The following NEB variants were observed in gnomAD, a reference collection of about 807,000 sequenced individuals.
The protein encoded by NEB is nebulin.
Under a neutral mutation model 952.2 loss-of-function variants are expected in NEB, and 512 were observed. The observed-to-expected ratio is 0.54, with a 90% CI of 0.50 to 0.58. The LOEUF (loss-of-function observed/expected upper bound fraction) is 0.58. Among genes scored for constraint, NEB ranks in the 20% least tolerant of loss-of-function variants. The pLI is 0.00. For synonymous variants in NEB, 2,900 were observed against 3,149.8 expected (o/e 0.92, Z 2.66); for missense variants, 8,428 against 9,231.1 (o/e 0.91, Z 3.56).
chr2:151,702,488 T>C (rs1218577019), intron 13 of NEB, among the ~76,000 whole-genome samples: 2 of 152,100 alleles, frequency 1.3e-5, no homozygotes, highest in Non-Finnish European at 2.9e-5. Flanking sequence ...CCATTATTAA[T>C]GTGTGGGAGT....
intron 138 of NEB, among the ~76,000 whole-genome samples, chr2:151,539,550 G>A (rs2093728943): frequency 6.6e-6 from 1 of 152,158 alleles, no homozygotes; most frequent in African/African-American, 2.4e-5. Context: ...TTTTGGCTCA[G>A]TTTAAGTCCC....
At chr2:151,626,347 T>C (rs1172999006) in intron 70 of NEB, among the ~76,000 whole-genome samples, 2 of 152,140 alleles carry the variant, frequency 1.3e-5, no homozygotes, top group African/African-American at 4.8e-5. Context: ...ACTGCTGAGC[T>C]CAAGTGATCT....
intron 63 of NEB, among the ~76,000 whole-genome samples, chr2:151,637,382 G>A (rs1367072010): frequency 2.0e-5 from 3 of 152,174 alleles, no homozygotes; most frequent in African/African-American, 7.2e-5. Flanking sequence ...AGTGGGTGAG[G>A]CCCCAGGGAG....
chr2:151,679,909 C>T lies in NEB; in HGVS notation c.3147+9G>A, dbSNP rs751551042. 6 of 1,610,222 alleles carry T rather than the reference C, an allele frequency of 3.7e-6. No individual in the cohort carries two copies. Among genetic ancestry groups the T allele is most frequent in the Non-Finnish European group, 5.1e-6 (6 of 1,176,402 alleles). On this transcript the variant is annotated intron_variant, in intron 31 of 181. Transcript: ENST00000397345. ...ACATACGCATCAGCCCGTGAGTCCA[C>T]CCACGCACCTCACTGATATTGTAGG...
chr2:151,542,835 G>T (rs1030791948), intron 135 of NEB, among the ~76,000 whole-genome samples: 1 of 152,122 alleles, frequency 6.6e-6, no homozygotes, highest in Non-Finnish European at 1.5e-5. Context: ...TTTTCATAAA[G>T]TCCAAGGTCA....
rs1361006906 is a variant in NEB, at chr2:151,605,037, G to A, written c.12748-166C>T. ...TCACTTTAAAGAAATTAGATAATAC[G>A]ATTTTAGGTCATTTCAGAGAGGACA... On this transcript the variant is annotated intron_variant, in intron 84 of 181. Transcript: ENST00000397345. Among the ~76,000 whole-genome samples, 23 of 133,150 alleles carry A rather than the reference G, an allele frequency of 1.7e-4. 3 individuals carry two copies. Among genetic ancestry groups the A allele is most frequent in the South Asian group, 1.6e-3 (7 of 4,262 alleles). The allele number at this position is 133,150 out of a possible 152,430, so 87.4% of individuals were successfully genotyped here. A position where few individuals can be genotyped will look rare whatever the true frequency, so the allele number is the denominator to read the frequency against.
chr2:151,636,240 T>A lies in NEB; in HGVS notation c.9089A>T (p.Asp3030Val). 1 of 1,608,982 alleles carries A rather than the reference T, an allele frequency of 6.2e-7. No individual in the cohort carries two copies. Among genetic ancestry groups the A allele is most frequent in the Non-Finnish European group, 8.5e-7 (1 of 1,179,334 alleles). ...IPIVAAKASR[D>V]IISDYKYKDG... ...TTGACAACTCACGTCACTGATGATG[T>A]CCCTGGAGGCCTTGGCCGCCACGAT... The change falls in exon 64 of 182, where the codon GAC becomes GTC. Residue 3030 changes from aspartate to valine, a missense_variant. Transcript: ENST00000397345.
At chr2:151,545,403 C>T (rs1332341443) in intron 135 of NEB, among the ~76,000 whole-genome samples, 1 of 151,742 alleles carries the variant, frequency 6.6e-6, no homozygotes, top group Admixed American at 6.6e-5. Context: ...TGGAGAAACC[C>T]CATCACTACT....
chr2:151,563,123 T>C (rs1430703269), intron 119 of NEB, among the ~76,000 whole-genome samples: 1 of 149,800 alleles, frequency 6.7e-6, no homozygotes, highest in Non-Finnish European at 1.5e-5. Context: ...CAAATAATTC[T>C]CATGCCTCAG....
chr2:151,562,117 T>G lies in NEB; in HGVS notation c.18989A>C (p.Gln6330Pro). 2 of 1,613,288 alleles carry G rather than the reference T, an allele frequency of 1.2e-6. No individual in the cohort carries two copies. The highest frequency in any genetic ancestry group is 1.7e-6 in the Non-Finnish European group (2 of 1,179,352). The change falls in exon 121 of 182, where the codon CAG becomes CCG. Residue 6330 changes from glutamine (Q) to proline (P), a missense_variant. By Grantham distance (76) the Gln-to-Pro change is moderately conservative (BLOSUM62 -1). Coordinates refer to ENST00000397345, the MANE Select transcript of NEB (RefSeq NM_001164508.2). ...ILHAKKSYDLQSQLQYTAAGK... is the reference protein window; with the variant it reads ...ILHAKKSYDLPSQLQYTAAGK... Reference sequence around the variant, plus strand: ...TCTAGGAAGGTGGCTCACCTGACTCTGAAGGTCGTATGATTTCTTGGCATG... The same window carrying G: ...TCTAGGAAGGTGGCTCACCTGACTCGGAAGGTCGTATGATTTCTTGGCATG...
In NEB at chr2:151,541,437, C is replaced by G. The variant is rs750100838; in HGVS notation, c.20682+10G>C. 1.2e-6 allele frequency: 2 copies of G among 1,605,616 alleles called. No homozygotes were observed. The highest frequency in any genetic ancestry group is 1.7e-5 in the Admixed American group (1 of 59,660). ...GCCTGAGTGGCAGGCTTATGAACCT[C>G]TGAGCTTACCTGACTCTGAAGCTTC... On this transcript the variant is annotated intron_variant, in intron 136 of 181. Transcript: ENST00000397345.
rs570838584 is a variant in NEB at position 151,554,109 on chromosome 2, C to T, written c.19429-84G>A. ...ATACATGAGAAGTCAGGCTAACCAACTCACAGCGAACAGTTGGGGGCAGGG... is the reference window on the plus strand; with the variant it reads ...ATACATGAGAAGTCAGGCTAACCAATTCACAGCGAACAGTTGGGGGCAGGG... On this transcript the variant is annotated intron_variant, in intron 125 of 181. Transcript: ENST00000397345. 72 of 1,302,704 alleles carry T rather than the reference C, an allele frequency of 5.5e-5. No homozygotes were observed. In the African/African-American group the frequency reaches 6.4e-4, roughly 12 times the overall value. 80.7% of individuals were successfully genotyped at this position (1,302,704 alleles called of 1,614,324 possible). A position where few individuals can be genotyped will look rare whatever the true frequency, so the allele number is the denominator to read the frequency against.
intron 9 of NEB, among the ~76,000 whole-genome samples, chr2:151,719,937 A>G (rs1218740383): frequency 1.1e-4 from 16 of 148,782 alleles, no homozygotes; most frequent in Admixed American, 1.1e-3. Flanking sequence ...TAGGCATAGG[A>G]CAACAGGATT....
intron 163 of NEB, 99 bp downstream of exon 163, chr2:151,506,810 G>T: frequency 1.3e-6 from 1 of 786,414 alleles, no homozygotes; most frequent in Non-Finnish European, 2.1e-6. Context: ...GAGGAGGTTA[G>T]ATGTTAATTG....
At chr2:151,575,345 T>C (rs1250477721) in intron 107 of NEB, among the ~76,000 whole-genome samples, 1 of 152,236 alleles carries the variant, frequency 6.6e-6, no homozygotes, top group Non-Finnish European at 1.5e-5. Flanking sequence ...CATATATTTT[T>C]ACAAAGACTT....
rs1325869790 is a variant in NEB, at chr2:151,540,292, T to A, written c.20892+52A>T. The A allele has an allele frequency of 2.7e-6, 3 of 1,120,074 alleles. No homozygotes were observed. The African/African-American group carries it at 4.7e-5, about 18-fold the overall frequency. The allele number at this position is 1,120,074 out of a possible 1,614,324, so 69.4% of individuals were successfully genotyped here. A position where few individuals can be genotyped will look rare whatever the true frequency, so the allele number is the denominator to read the frequency against. ...AAATATGTTATGTTTCTTAGGTACT[T>A]CAACCTCAGCTCTCCCCATCACAAC... On this transcript the variant is annotated intron_variant, in intron 138 of 181. Transcript: ENST00000397345.
intron 119 of NEB, 24 bp downstream of exon 119, chr2:151,563,582 G>A (rs375304669): frequency 6.6e-5 from 104 of 1,580,286 alleles, no homozygotes; most frequent in East Asian, 5.4e-4. Flanking sequence ...CACAAATCCC[G>A]TGTTAAAGTG....
intron 164 of NEB, chr2:151,505,800 G>T (rs2068395238): frequency 1.8e-6 from 1 of 563,768 alleles, no homozygotes; most frequent in Non-Finnish European, 3.2e-6. Context: ...GCAGGGATGG[G>T]GGCCCCTATT....
chr2:151,692,092 T>G lies in NEB; in HGVS notation c.2073A>C (p.Thr691=). ...YVGSMEDPYH[T]HCMKVAAQNS... The stretch of plus-strand genomic sequence containing the variant: ...TTTGAGCTGCAACTTTCATGCAGTG[T>G]GTGTGATATGGGTCCTCCATGCTGC... The change falls in exon 22 of 182, where the codon ACA becomes ACC. Residue 691 remains threonine (T), a synonymous_variant. Transcript: ENST00000397345. The G allele has an allele frequency of 6.2e-7, 1 of 1,614,004 alleles. No individual in the cohort carries two copies. The highest frequency in any genetic ancestry group is 8.5e-7 in the Non-Finnish European group (1 of 1,179,866).
Sources: gnomAD v4.1 joint callset for allele counts (sites outside exome capture counted in the v4.1 genomes callset) on GRCh38, gnomAD v4.1.1 for gene constraint, MANE v1.5 for transcripts, NCBI Gene and HGNC (gene_info 2026-07-23, HGNC 2026-07-21) for gene names.